The following PRKAG1 variants were observed in gnomAD, a reference collection of about 807,000 sequenced individuals.
The protein encoded by PRKAG1 is protein kinase AMP-activated non-catalytic subunit gamma 1, also known as 5'-AMP-activated protein kinase subunit gamma-1.
Under a neutral mutation model 48.2 loss-of-function variants are expected in PRKAG1, and 27 were observed. The ratio of observed to expected loss-of-function variants is 0.56; its 90% CI spans 0.41 to 0.77. The LOEUF (loss-of-function observed/expected upper bound fraction) is 0.77, where lower values mean the gene tolerates loss of function less well. Ranked by LOEUF, PRKAG1 falls within the 30% of genes least tolerant of loss-of-function variation. PRKAG1 has a pLI of 0.00. For missense variants in PRKAG1, 287 were observed against 398.3 expected, an observed-to-expected ratio of 0.72 and a Z score of 2.38; for synonymous variants, 130 against 147.7, an observed-to-expected ratio of 0.88 and a Z score of 0.87.
At chr12:49,007,941 C>A (rs1941610142) in intron 2 of PRKAG1, among the ~76,000 whole-genome samples, 1 of 150,726 alleles carries the variant, frequency 6.6e-6, no homozygotes, top group Non-Finnish European at 1.5e-5. Flanking sequence ...GTTACTACAA[C>A]CTCAGCCTTC....
intron 2 of PRKAG1, among the ~76,000 whole-genome samples, chr12:49,011,936 C>A (rs1457402833): frequency 1.3e-5 from 2 of 151,898 alleles, no homozygotes; most frequent in Admixed American, 1.3e-4. Flanking sequence ...CGGCTCACTG[C>A]AACCTCTGCC....
At chr12:49,018,558 G>A in intron 1 of PRKAG1, 174 bp downstream of exon 1, 3 of 1,474,600 alleles carry the variant, frequency 2.0e-6, no homozygotes, top group East Asian at 2.5e-5. Flanking sequence ...AGTTCCAGGA[G>A]ATGCGCCCAA....
rs766246102 is a variant in PRKAG1 at position 49,003,148 on chromosome 12, G to A, written c.884C>T (p.Ala295Val). 9 of 1,614,156 alleles carry A rather than the reference G, an allele frequency of 5.6e-6. No homozygotes were observed. The South Asian group carries it at 9.9e-5, about 18-fold the overall frequency. ...LETIINRLVE[A>V]EVHRLVVVDE... is the part of the protein sequence containing the mutation. ...TAGGGTTGCTGGCCTCCCTACCTCT[G>A]CTTCCACTAGCCTGTTGATGATGGT... Residue 295 changes from alanine (A) to valine (V), a missense_variant, in exon 11 of 12, where the codon GCA becomes GTA. Ala to Val is a moderately conservative substitution (Grantham distance 64). Coordinates refer to ENST00000548065, the MANE Select transcript of PRKAG1 (RefSeq NM_002733.5).
chr12:49,002,787 T>C lies in PRKAG1; in HGVS notation c.*112A>G. On this transcript the variant is annotated 3_prime_UTR_variant, in exon 12 of 12. Transcript: ENST00000548065. ...TCCCAGATAGAAGGGCAGGGGACCCTGAACAGGGAACAGAGTCACAATTCC... is the reference window on the plus strand; with the variant it reads ...TCCCAGATAGAAGGGCAGGGGACCCCGAACAGGGAACAGAGTCACAATTCC... 1 of 1,064,718 alleles carries C rather than the reference T, an allele frequency of 9.4e-7. No homozygotes were observed. Among genetic ancestry groups the C allele is most frequent in the East Asian group, 2.6e-5 (1 of 38,998 alleles). 66.0% of individuals were successfully genotyped at this position (1,064,718 alleles called of 1,614,324 possible).
rs139371126 is a variant in PRKAG1, at chr12:49,003,162, G to A, written c.870C>T (p.Asn290=). The change falls in exon 11 of 12, where the codon AAC becomes AAT. Residue 290 remains asparagine, a synonymous_variant. Transcript: ENST00000548065. The part of the protein sequence containing the change: ...YLHETLETII[N]RLVEAEVHRL... ...TCCCTACCTCTGCTTCCACTAGCCTGTTGATGATGGTCTCCAGAGTCTCAT... is the reference window on the plus strand; with the variant it reads ...TCCCTACCTCTGCTTCCACTAGCCTATTGATGATGGTCTCCAGAGTCTCAT... The A allele has an allele frequency of 1.2e-4, 190 of 1,614,182 alleles. No individual in the cohort carries two copies. The African/African-American group carries it at 2.4e-3, about 20-fold the overall frequency.
chr12:49,017,432 GA>G (rs1942034869), intron 1 of PRKAG1: 1 of 334,258 alleles, frequency 3.0e-6, no homozygotes, highest in East Asian at 8.5e-5. Flanking sequence ...GGCTGATGCT[GA>G]ACTCCTGAGC....
intron 2 of PRKAG1, among the ~76,000 whole-genome samples, chr12:49,011,137 G>A (rs548112772): frequency 2.0e-5 from 3 of 151,962 alleles, no homozygotes; most frequent in Non-Finnish European, 4.4e-5. Context: ...GCCACTACGC[G>A]CAGCCCAATC....
In PRKAG1 at chr12:49,018,742, G is replaced by T. The variant is rs1484683671; in HGVS notation, c.-2C>A. ...TCCTGCACTCCTCACCGTCTCCATTGCAAGAGGCGCCCGGCTTGGTTTCCT... is the reference window on the plus strand; with the variant it reads ...TCCTGCACTCCTCACCGTCTCCATTTCAAGAGGCGCCCGGCTTGGTTTCCT... On this transcript the variant is annotated 5_prime_UTR_variant, in exon 1 of 12. Coordinates refer to ENST00000548065, the MANE Select transcript of PRKAG1 (RefSeq NM_002733.5). 6.2e-7 allele frequency: 1 copy of T among 1,612,874 alleles called. No homozygotes were observed. The highest frequency in any genetic ancestry group is 1.3e-5 in the African/African-American group (1 of 74,888).
rs28374093 is a variant in PRKAG1, at chr12:49,002,565, G to A, written c.*334C>T. 4,755 of 414,532 alleles carry A rather than the reference G, an allele frequency of 0.011. 200 individuals are homozygous for A. The highest frequency in any genetic ancestry group is 0.088 in the African/African-American group (4,315 of 49,170). 25.7% of individuals were successfully genotyped at this position (414,532 alleles called of 1,614,324 possible). Reference sequence around the variant, plus strand: ...GAATCAGGGCCAAGATGGAGGCAGAGGCAAGTGAGGTCTGGGGATCTCTTA... The same window carrying A: ...GAATCAGGGCCAAGATGGAGGCAGAAGCAAGTGAGGTCTGGGGATCTCTTA... On this transcript the variant is annotated 3_prime_UTR_variant, in exon 12 of 12. Coordinates refer to ENST00000548065, the MANE Select transcript of PRKAG1 (RefSeq NM_002733.5).
intron 2 of PRKAG1, among the ~76,000 whole-genome samples, chr12:49,010,833 T>C (rs891425832): frequency 4.0e-5 from 6 of 151,718 alleles, no homozygotes; most frequent in Non-Finnish European, 8.8e-5. Context: ...TGGGAATATA[T>C]ATTCAATGTA....
chr12:49,007,671 T>A (rs572553137), intron 2 of PRKAG1, among the ~76,000 whole-genome samples: 1 of 152,246 alleles, frequency 6.6e-6, no homozygotes, highest in East Asian at 1.9e-4. Flanking sequence ...TGTCCTTAAA[T>A]AACATGCTTG....
chr12:49,008,654 A>G (rs569368082), intron 2 of PRKAG1: 39 of 152,332 alleles, frequency 2.6e-4, no homozygotes, highest in Admixed American at 1.4e-3. Flanking sequence ...GCCTGTAGAT[A>G]TCTTTATTCT....
rs777693519 is a variant in PRKAG1, at chr12:49,003,025, G to A, written c.889-19C>T. The A allele has an allele frequency of 1.9e-6, 3 of 1,613,530 alleles. No individual in the cohort carries two copies. In the South Asian group the frequency reaches 3.3e-5, roughly 18 times the overall value. ...GGTGAACCTGGCACAGAGCAACAAG[G>A]GAGAAAGGGAATGTTTAGTGCTGGC... On this transcript the variant is annotated intron_variant, in intron 11 of 11. Transcript: ENST00000548065.
At chr12:49,011,747 A>G (rs971878770) in intron 2 of PRKAG1, among the ~76,000 whole-genome samples, 1 of 151,734 alleles carries the variant, frequency 6.6e-6, no homozygotes, top group Non-Finnish European at 1.5e-5. Flanking sequence ...TACTTAGTAG[A>G]GATGGGGTTC....
rs1565729602 is a variant in PRKAG1, at chr12:49,002,379, GCA to G, written c.*518_*519del. 4.8e-6 allele frequency: 1 copy of G among 206,354 alleles called. No homozygotes were observed. The highest frequency in any genetic ancestry group is 1.0e-5 in the Non-Finnish European group (1 of 100,158). 12.8% of individuals were successfully genotyped at this position (206,354 alleles called of 1,614,324 possible). A position where few individuals can be genotyped will look rare whatever the true frequency, so the allele number is the denominator to read the frequency against. On this transcript the variant is annotated 3_prime_UTR_variant, in exon 12 of 12. Transcript: ENST00000548065. ...ACCTAACCCCCATCTCCCTTCATAT[GCA>G]CAAACACAGGAACCCAAAGCCCCTC...
chr12:49,017,492 G>A (rs1016955674), intron 1 of PRKAG1: 11 of 264,498 alleles, frequency 4.2e-5, no homozygotes, highest in African/African-American at 2.1e-4. Flanking sequence ...CATTACAGGC[G>A]TGAGCCACCA....
At position 49,005,249 on chromosome 12, in the gene PRKAG1, G is replaced by C; in HGVS notation, c.309+57C>G. On this transcript the variant is annotated intron_variant, in intron 5 of 11. Transcript: ENST00000548065. This position sits in a 1 kb window ranked among gnomAD's most constrained non-coding sequence, Gnocchi z 4.1. ...GGCTTGCTTGGAGAAAAAGAAATGA[G>C]AATGAGGGATTTAGGGCAGGGAAAG... 6.2e-7 allele frequency: 1 copy of C among 1,612,862 alleles called. No homozygotes were observed. The highest frequency in any genetic ancestry group is 8.5e-7 in the Non-Finnish European group (1 of 1,178,850).
At chr12:49,006,794 AC>A (rs1159830878) in intron 2 of PRKAG1, among the ~76,000 whole-genome samples, 1 of 151,156 alleles carries the variant, frequency 6.6e-6, no homozygotes, top group Non-Finnish European at 1.5e-5. Context: ...ACATGGATAA[AC>A]CCTGTCTCTA....
intron 1 of PRKAG1, among the ~76,000 whole-genome samples, chr12:49,014,595 G>A (rs1041154958): frequency 3.9e-5 from 6 of 152,246 alleles, no homozygotes; most frequent in Non-Finnish European, 7.3e-5. Flanking sequence ...GAGGATCCCA[G>A]TAGCTGACTG....
Sources: allele counts gnomAD v4.1 joint callset (sites outside exome capture counted in the v4.1 genomes callset), GRCh38; gene constraint gnomAD v4.1.1; non-coding constraint Gnocchi (gnomAD v3.1); transcripts MANE v1.5; gene names NCBI Gene and HGNC (gene_info 2026-07-23, HGNC 2026-07-21).